The following GLIS3 variants were observed in gnomAD, a reference collection of about 807,000 sequenced individuals.
GLIS3 encodes GLIS family zinc finger 3, also known as zinc finger protein GLIS3.
In GLIS3, 53 loss-of-function variants were observed where a neutral mutation model predicts 78.6. That is an observed-to-expected ratio of 0.67 (90% confidence interval 0.54 to 0.85). The LOEUF (loss-of-function observed/expected upper bound fraction) is 0.85. GLIS3 is among the 40% of genes least tolerant of loss of function. The pLI is 0.00. For missense variants in GLIS3, 1,703 were observed against 1,231.1 expected, an observed-to-expected ratio of 1.38 and a Z score of -5.74; for synonymous variants, 684 against 509.9, an observed-to-expected ratio of 1.34 and a Z score of -4.60.
At chr9:3,898,579 GAAC>G in intron 7 of GLIS3, 109 bp downstream of exon 7, 1 of 1,279,682 alleles carries the variant, frequency 7.8e-7, no homozygotes, top group Non-Finnish European at 1.1e-6. Flanking sequence ...CATTGATAAA[GAAC>G]AACACAGACG....
chr9:4,026,993 A>G (rs542468398), intron 4 of GLIS3, among the ~76,000 whole-genome samples: 14 of 152,314 alleles, frequency 9.2e-5, no homozygotes, highest in African/African-American at 3.4e-4. Flanking sequence ...TCATGATTTA[A>G]GGCCACATGT....
chr9:4,407,411 C>A, the GLIS3 span, among the ~76,000 whole-genome samples: 5 of 152,172 alleles, frequency 3.3e-5, no homozygotes, highest in African/African-American at 1.2e-4. Context: ...TTCGGGAGGC[C>A]GAGGCAGGTG....
At chr9:4,374,574 C>G in the GLIS3 span, among the ~76,000 whole-genome samples, 1 of 152,238 alleles carries the variant, frequency 6.6e-6, no homozygotes, top group South Asian at 2.1e-4. Context: ...TCTCACATCC[C>G]TTTCTTGGGG....
chr9:3,888,231 CA>C (rs1348114298), intron 7 of GLIS3, among the ~76,000 whole-genome samples: 1 of 152,038 alleles, frequency 6.6e-6, no homozygotes, highest in Non-Finnish European at 1.5e-5. Flanking sequence ...TACTTGGCCA[CA>C]AAAAACAAAG....
chr9:4,025,324 G>A (rs1451139837), intron 4 of GLIS3, among the ~76,000 whole-genome samples: 1 of 152,126 alleles, frequency 6.6e-6, no homozygotes, highest in East Asian at 1.9e-4. Flanking sequence ...TGGATGGACG[G>A]AAAAATAAAG....
chr9:4,300,726 G>A (rs532111123), upstream of GLIS3, among the ~76,000 whole-genome samples: 9 of 151,672 alleles, frequency 5.9e-5, no homozygotes, highest in South Asian at 4.2e-4. Flanking sequence ...GCTCTGACTC[G>A]CCACCGCTTC....
chr9:4,376,360 G>T, the GLIS3 span, among the ~76,000 whole-genome samples: 2,243 of 152,266 alleles, frequency 0.015, 57 homozygotes, highest in African/African-American at 0.051. Context: ...TGTTTTTCCT[G>T]GGGAGAGCCT....
the GLIS3 span, among the ~76,000 whole-genome samples, chr9:4,396,330 G>C: frequency 1.7e-4 from 26 of 151,650 alleles, no homozygotes; most frequent in Non-Finnish European, 3.5e-4. Flanking sequence ...GGTTGATCTC[G>C]AGTTGGCCAG....
chr9:4,188,638 G>T (rs151177703), intron 2 of GLIS3, among the ~76,000 whole-genome samples: 1 of 152,200 alleles, frequency 6.6e-6, no homozygotes, highest in Non-Finnish European at 1.5e-5. Context: ...GACTCTTTTT[G>T]GTTGGTAAGC....
At chr9:3,910,148 C>A (rs76387131) in intron 6 of GLIS3, among the ~76,000 whole-genome samples, 5 of 152,106 alleles carry the variant, frequency 3.3e-5, no homozygotes, top group African/African-American at 9.7e-5. Context: ...GATCCACCCC[C>A]CTGTGGTTTA....
rs75001735 is a variant in GLIS3 at position 3,912,007 on chromosome 9, G to A, written c.1984-13172C>T. The stretch of plus-strand genomic sequence containing the variant: ...GCAAGAGGAAAAGGATGGAGACTTC[G>A]GGGTCAAATAGATACAGGTTCATAT... On this transcript the variant is annotated intron_variant, in intron 6 of 10. Coordinates refer to ENST00000381971, the MANE Select transcript of GLIS3 (RefSeq NM_001042413.2). 5.7e-4 allele frequency among the ~76,000 whole-genome samples: 86 copies of A among 152,134 alleles called. 1 individual carries two copies. In the East Asian group the frequency reaches 0.014, roughly 24 times the overall value.
intron 2 of GLIS3, among the ~76,000 whole-genome samples, chr9:4,339,863 GGGGGAGGGGAGGGGGA>G (rs1469543242): frequency 3.2e-5 from 1 of 31,210 alleles, no homozygotes; most frequent in African/African-American, 1.2e-4. Flanking sequence ...GGGGAGGGGT[GGGGGAGGGGAGGGGGA>G]GGGAAAGGAA....
intron 6 of GLIS3, 82 bp from the exon 7 acceptor site, chr9:3,898,917 A>C (rs777760361): frequency 3.5e-5 from 55 of 1,583,434 alleles, no homozygotes; most frequent in Non-Finnish European, 4.6e-5. Context: ...ATGCTCTATC[A>C]GTGCAACTCA....
chr9:4,396,860 G>C, the GLIS3 span, among the ~76,000 whole-genome samples: 3 of 151,982 alleles, frequency 2.0e-5, no homozygotes, highest in African/African-American at 7.3e-5. Context: ...AAGCGAGCCT[G>C]AGTACGTCTG....
At chr9:4,215,322 T>C (rs1009679966) in intron 2 of GLIS3, among the ~76,000 whole-genome samples, 1 of 80,514 alleles carries the variant, frequency 1.2e-5, no homozygotes, top group East Asian at 3.9e-4. Context: ...GGAGTGTGTG[T>C]GCATATGTGT....
At chr9:4,303,656 G>C (rs1413768237), upstream of GLIS3, among the ~76,000 whole-genome samples, 1 of 151,564 alleles carries the variant, frequency 6.6e-6, no homozygotes, top group Non-Finnish European at 1.5e-5. Context: ...CAGACCAAAT[G>C]CAACTGACCA....
At chr9:4,420,482 T>C in the GLIS3 span, among the ~76,000 whole-genome samples, 1 of 152,150 alleles carries the variant, frequency 6.6e-6, no homozygotes, top group Non-Finnish European at 1.5e-5. Context: ...GAAAGTATAA[T>C]TAGTCACCAC....
chr9:4,184,342 T>G (rs1817582124), intron 2 of GLIS3, among the ~76,000 whole-genome samples: 1 of 152,238 alleles, frequency 6.6e-6, no homozygotes, highest in Non-Finnish European at 1.5e-5. Context: ...TTTAAAAGTT[T>G]ATCTATAAAA....
At chr9:4,311,834 G>A (rs555293157) in intron 2 of GLIS3, among the ~76,000 whole-genome samples, 3 of 152,322 alleles carry the variant, frequency 2.0e-5, no homozygotes, top group African/African-American at 4.8e-5. Context: ...GTTAGATGAT[G>A]TCTTCATTTT....
Sources: gnomAD v4.1 joint callset for allele counts (sites outside exome capture counted in the v4.1 genomes callset) on GRCh38, gnomAD v4.1.1 for gene constraint, MANE v1.5 for transcripts, NCBI Gene and HGNC (gene_info 2026-07-23, HGNC 2026-07-21) for gene names.